CCDC85C: variants seen among roughly 807,000 people sequenced by gnomAD.
The protein encoded by CCDC85C is coiled-coil domain-containing protein 85C.
CCDC85C carries 18 observed loss-of-function variants against 38.3 expected under a neutral mutation model. The observed-to-expected ratio is 0.47, with a 90% CI of 0.33 to 0.70. The LOEUF is 0.70. Among genes scored for constraint, CCDC85C ranks in the 30% least tolerant of loss-of-function variants. CCDC85C has a pLI of 0.03. For synonymous variants in CCDC85C, 264 were observed against 293.8 expected, an observed-to-expected ratio of 0.90 and a Z score of 1.04; for missense variants, 566 against 621.2, an observed-to-expected ratio of 0.91 and a Z score of 0.94.
At chr14:99,591,159 A>G (rs2139987304) in intron 1 of CCDC85C, among the ~76,000 whole-genome samples, 1 of 152,152 alleles carries the variant, frequency 6.6e-6, no homozygotes, top group Non-Finnish European at 1.5e-5. Flanking sequence ...TCCCCACCCC[A>G]CCGTTTAAAA....
At chr14:99,566,819 C>T (rs11627095) in intron 1 of CCDC85C, among the ~76,000 whole-genome samples, 18 of 152,154 alleles carry the variant, frequency 1.2e-4, no homozygotes, top group Admixed American at 1.0e-3. Context: ...GCAGCAGGGG[C>T]CTCTCAGGGT....
At chr14:99,593,728 T>A (rs2055114195) in intron 1 of CCDC85C, among the ~76,000 whole-genome samples, 1 of 152,248 alleles carries the variant, frequency 6.6e-6, no homozygotes, top group South Asian at 2.1e-4. Flanking sequence ...CGCCCCTAGC[T>A]GGCCTGCTGG....
intron 1 of CCDC85C, among the ~76,000 whole-genome samples, chr14:99,592,284 C>A (rs1034352956): frequency 1.3e-5 from 2 of 152,152 alleles, no homozygotes; most frequent in Non-Finnish European, 2.9e-5. Context: ...GAAACCTTGA[C>A]TCTGAGGGGT....
In CCDC85C at chr14:99,603,633, C is replaced by T. The variant is rs1247608986; in HGVS notation, c.327G>A (p.Gly109=). 3 of 1,469,998 alleles carry T rather than the reference C, an allele frequency of 2.0e-6. No individual in the cohort carries two copies. The highest frequency in any genetic ancestry group is 5.7e-5 in the East Asian group (2 of 35,258). The allele number at this position is 1,469,998 out of a possible 1,614,324, so 91.1% of individuals were successfully genotyped here. A position where few individuals can be genotyped will look rare whatever the true frequency, so the allele number is the denominator to read the frequency against. The change falls in exon 1 of 6, where the codon GGG becomes GGA. Residue 109 remains glycine, a synonymous_variant. Transcript: ENST00000380243. The surrounding 1 kb of genome is among the most constrained non-coding windows in gnomAD (Gnocchi z 7.5). ...GCCACACGGCGCCGGCCGCGTGGCG[C>T]CCGAAGCGCTGCCACTCGCGCGCCA... The part of the protein sequence containing the change: ...RKLAREWQRF[G]RHAAGAVWHE...
intron 3 of CCDC85C, among the ~76,000 whole-genome samples, chr14:99,519,005 C>T (rs1897268020): frequency 6.6e-6 from 1 of 152,114 alleles, no homozygotes; most frequent in East Asian, 1.9e-4. Flanking sequence ...ACACACCTCC[C>T]ACTGACTAGG....
chr14:99,515,916 C>T (rs941044954), intron 5 of CCDC85C, among the ~76,000 whole-genome samples: 3 of 152,002 alleles, frequency 2.0e-5, no homozygotes, highest in African/African-American at 7.2e-5. Context: ...GTGGGGGGCT[C>T]AAGCTCTATC....
At chr14:99,526,877 C>A (rs1897395356) in intron 2 of CCDC85C, among the ~76,000 whole-genome samples, 1 of 152,144 alleles carries the variant, frequency 6.6e-6, no homozygotes, top group African/African-American at 2.4e-5. Context: ...ACCATTCTCC[C>A]ACCAGGGGCC....
rs1473307987 is a variant in CCDC85C at position 99,509,693 on chromosome 14, A to G, written c.*5553T>C. 2 of 179,950 alleles carry G rather than the reference A, an allele frequency of 1.1e-5. No individual in the cohort carries two copies. The highest frequency in any genetic ancestry group is 2.4e-5 in the African/African-American group (1 of 41,896). 11.1% of individuals were successfully genotyped at this position (179,950 alleles called of 1,614,324 possible). ...CACCGGGAATGTCAGAGACTTGTAC[A>G]GAATTGTTTTAAGTGCCATCACATT... On this transcript the variant is annotated 3_prime_UTR_variant, in exon 6 of 6. Transcript: ENST00000380243.
chr14:99,589,360 C>T (rs1005472313), intron 1 of CCDC85C, among the ~76,000 whole-genome samples: 2 of 152,336 alleles, frequency 1.3e-5, no homozygotes, highest in African/African-American at 2.4e-5. Flanking sequence ...GACTCTATGC[C>T]TTTGTGTTCT....
intron 5 of CCDC85C, 59 bp from the exon 6 acceptor site, chr14:99,515,394 G>T: frequency 1.6e-6 from 2 of 1,279,464 alleles, no homozygotes; most frequent in South Asian, 1.3e-5. Context: ...TGCCGCCTAT[G>T]CACATCCGCC....
rs1285734033 is a variant in CCDC85C at position 99,535,902 on chromosome 14, G to C, written c.867+113C>G. On this transcript the variant is annotated intron_variant, in intron 2 of 5. Transcript: ENST00000380243. This position sits in a 1 kb window ranked among gnomAD's most constrained non-coding sequence, Gnocchi z 5.5. Reference sequence around the variant, plus strand: ...TTTCCAGGAGGTGACAGGTGGCAGTGGGAGCAGTTGGGGGGACAGCCTAGG... The same window carrying C: ...TTTCCAGGAGGTGACAGGTGGCAGTCGGAGCAGTTGGGGGGACAGCCTAGG... 3.9e-6 allele frequency: 3 copies of C among 760,572 alleles called. No homozygotes were observed. The highest frequency in any genetic ancestry group is 6.7e-6 in the Non-Finnish European group (3 of 448,520). 47.1% of individuals were successfully genotyped at this position (760,572 alleles called of 1,614,324 possible). A position where few individuals can be genotyped will look rare whatever the true frequency, so the allele number is the denominator to read the frequency against.
At chr14:99,561,684 C>G (rs995166308) in intron 1 of CCDC85C, among the ~76,000 whole-genome samples, 2 of 152,184 alleles carry the variant, frequency 1.3e-5, no homozygotes, top group African/African-American at 2.4e-5. Flanking sequence ...GGGGCCCAGG[C>G]GCACACCACA....
At position 99,504,393 on chromosome 14, in the gene CCDC85C, A is replaced by C. The variant is rs1312098723; in HGVS notation, c.*10853T>G. 6.9e-6 allele frequency: 1 copy of C among 145,948 alleles called. No individual in the cohort carries two copies. Among genetic ancestry groups the C allele is most frequent in the African/African-American group, 2.5e-5 (1 of 39,516 alleles). 9.0% of individuals were successfully genotyped at this position (145,948 alleles called of 1,614,324 possible). ...CTGTGAAATCTTCCAGTTATGATAG[A>C]GCTACTTTTTTTTTTTTTCCAGTAT... On this transcript the variant is annotated 3_prime_UTR_variant, in exon 6 of 6. Coordinates refer to ENST00000380243, the MANE Select transcript of CCDC85C (RefSeq NM_001144995.2).
chr14:99,555,608 A>G (rs1393941922), intron 1 of CCDC85C, among the ~76,000 whole-genome samples: 3 of 152,194 alleles, frequency 2.0e-5, no homozygotes, highest in Non-Finnish European at 4.4e-5. Flanking sequence ...TACATAGCTC[A>G]CTGAGGGAAA....
chr14:99,573,703 AC>A (rs1359128276), intron 1 of CCDC85C, among the ~76,000 whole-genome samples: 7 of 152,222 alleles, frequency 4.6e-5, no homozygotes, highest in Non-Finnish European at 4.4e-5. Context: ...CTTGCTCTGC[AC>A]AGCCCTGGGG....
At chr14:99,559,943 G>A (rs1898085431) in intron 1 of CCDC85C, among the ~76,000 whole-genome samples, 1 of 151,890 alleles carries the variant, frequency 6.6e-6, no homozygotes, top group Non-Finnish European at 1.5e-5. Flanking sequence ...GCATGGGTCT[G>A]GGTTTTTCTT....
At position 99,502,432 on chromosome 14, in the gene CCDC85C, C is replaced by T. The variant is rs184368582; in HGVS notation, c.*12814G>A. 4.1e-5 allele frequency: 64 copies of T among 1,573,382 alleles called. No homozygotes were observed. The African/African-American group carries it at 7.6e-4, about 19-fold the overall frequency. On this transcript the variant is annotated 3_prime_UTR_variant, in exon 6 of 6. Transcript: ENST00000380243. ...GTGTTCCATGTTGAGATGATTCTTC[C>T]ATGTGTACCCTGAGTCCCAAGAATG... is the stretch of plus-strand genomic sequence containing the variant.
chr14:99,582,509 T>C (rs1028233355), intron 1 of CCDC85C, among the ~76,000 whole-genome samples: 6 of 151,818 alleles, frequency 4.0e-5, no homozygotes, highest in African/African-American at 1.5e-4. Context: ...GATAGGATCC[T>C]GAACAGAAAA....
Position 99,510,250 on chromosome 14 carries a change from C to T in CCDC85C, c.*4996G>A, listed in dbSNP as rs1897088996. 3.9e-6 allele frequency: 6 copies of T among 1,552,392 alleles called. No homozygotes were observed. The highest frequency in any genetic ancestry group is 2.4e-5 in the East Asian group (1 of 42,350). ...CTCCCCAAAGTCCAGATTCCCCCTC[C>T]GGCCCACCCGGCCCCTGTGCACCAG... On this transcript the variant is annotated 3_prime_UTR_variant, in exon 6 of 6. Transcript: ENST00000380243.
Sources: gnomAD v4.1 joint callset for allele counts (sites outside exome capture counted in the v4.1 genomes callset) on GRCh38, gnomAD v4.1.1 for gene constraint, Gnocchi (gnomAD v3.1) non-coding constraint, MANE v1.5 for transcripts, NCBI Gene and HGNC (gene_info 2026-07-23, HGNC 2026-07-21) for gene names.